Variants in ULK2 observed in about 807,000 individuals in gnomAD.
ULK2 encodes unc-51 like autophagy activating kinase 2, also known as serine/threonine-protein kinase ULK2.
ULK2 carries 76 observed loss-of-function variants against 127.5 expected under a neutral mutation model. The observed-to-expected ratio is 0.60, with a 90% CI of 0.50 to 0.72. ULK2 has a LOEUF of 0.72. Ranked by LOEUF, ULK2 falls within the 30% of genes least tolerant of loss-of-function variation. ULK2 has a pLI of 0.00. For missense variants in ULK2, 1,144 were observed against 1,295.9 expected (o/e 0.88, Z 1.80); for synonymous variants, 452 against 461.9 (o/e 0.98, Z 0.28).
chr17:19,794,192 A>AAAG (rs758839826), intron 20 of ULK2, among the ~76,000 whole-genome samples: 22 of 152,168 alleles, frequency 1.4e-4, no homozygotes, highest in African/African-American at 3.4e-4. Flanking sequence ...AATAAGAATG[A>AAAG]AAGAAGAAGA....
chr17:19,772,611 C>T lies in ULK2; in HGVS notation c.*3738G>A, dbSNP rs892610112. On this transcript the variant is annotated 3_prime_UTR_variant, in exon 27 of 27. Coordinates refer to ENST00000395544, the MANE Select transcript of ULK2 (RefSeq NM_014683.4). The stretch of plus-strand genomic sequence containing the variant: ...TTATTCCAGAAAGAATTTAAGACTG[C>T]TTATAGAAAATACGAGGGAGCATAG... 3 of 152,196 alleles carry T rather than the reference C, an allele frequency of 2.0e-5. No individual in the cohort carries two copies. Among genetic ancestry groups the T allele is most frequent in the Non-Finnish European group, 4.4e-5 (3 of 68,046 alleles). 9.4% of individuals were successfully genotyped at this position (152,196 alleles called of 1,614,324 possible).
Position 19,776,336 on chromosome 17 carries a change from A to G in ULK2, c.*13T>C, listed in dbSNP as rs764082560. ...CACGTTCCCACCACCGGTCCACGGG[A>G]TGAGCCTGCTGCTCACACGGTTGCG... On this transcript the variant is annotated 3_prime_UTR_variant, in exon 27 of 27. Coordinates refer to ENST00000395544, the MANE Select transcript of ULK2 (RefSeq NM_014683.4). The G allele has an allele frequency of 2.1e-5, 33 of 1,599,446 alleles. No individual in the cohort carries two copies. The East Asian group carries it at 7.5e-4, about 36-fold the overall frequency.
At chr17:19,812,327 ATTAAT>A (rs1213471112) in intron 13 of ULK2, among the ~76,000 whole-genome samples, 1 of 152,208 alleles carries the variant, frequency 6.6e-6, no homozygotes, top group Non-Finnish European at 1.5e-5. Flanking sequence ...TGATGAATAC[ATTAAT>A]TTATTTCACC....
At chr17:19,843,922 T>C (rs1238806678) in intron 7 of ULK2, among the ~76,000 whole-genome samples, 1 of 151,978 alleles carries the variant, frequency 6.6e-6, no homozygotes, top group Non-Finnish European at 1.5e-5. Context: ...CCTCCCAAAG[T>C]GCTGGGATTA....
intron 12 of ULK2, among the ~76,000 whole-genome samples, chr17:19,823,240 C>A (rs2041205489): frequency 6.7e-6 from 1 of 150,354 alleles, no homozygotes; most frequent in African/African-American, 2.5e-5. Context: ...GGTTTGTCCA[C>A]CAGAGTTTTT....
chr17:19,834,630 G>C (rs950803603), intron 10 of ULK2, among the ~76,000 whole-genome samples: 1 of 152,078 alleles, frequency 6.6e-6, no homozygotes, highest in African/African-American at 2.4e-5. Context: ...AGTAATCTAA[G>C]GCTGGGCATG....
chr17:19,835,426 T>C (rs1312682230), intron 10 of ULK2, among the ~76,000 whole-genome samples: 1 of 150,370 alleles, frequency 6.7e-6, no homozygotes, highest in Non-Finnish European at 1.5e-5. Context: ...TTAAGATGCA[T>C]ACTGTAGAGG....
intron 13 of ULK2, among the ~76,000 whole-genome samples, chr17:19,812,079 GCC>G (rs1444013449): frequency 1.3e-5 from 2 of 152,172 alleles, no homozygotes; most frequent in African/African-American, 4.8e-5. Context: ...TAGAACCTTA[GCC>G]AGCTGGAAAG....
intron 15 of ULK2, among the ~76,000 whole-genome samples, chr17:19,804,456 A>G (rs974787725): frequency 6.6e-6 from 1 of 151,828 alleles, no homozygotes; most frequent in African/African-American, 2.4e-5. Context: ...ATACACATGT[A>G]TACTTAACAT....
chr17:19,776,169 G>C lies in ULK2; in HGVS notation c.*180C>G. 1 of 550,386 alleles carries C rather than the reference G, an allele frequency of 1.8e-6. No homozygotes were observed. The highest frequency in any genetic ancestry group is 3.2e-5 in the South Asian group (1 of 31,080). 34.1% of individuals were successfully genotyped at this position (550,386 alleles called of 1,614,324 possible). A position where few individuals can be genotyped will look rare whatever the true frequency, so the allele number is the denominator to read the frequency against. On this transcript the variant is annotated 3_prime_UTR_variant, in exon 27 of 27. Transcript: ENST00000395544. ...AAGGGTGATTTTCTCCAATAAGGCA[G>C]ATTTCCTACAAATATGTAGTTTTTG...
chr17:19,827,237 A>T (rs1026156938), intron 10 of ULK2, among the ~76,000 whole-genome samples: 5 of 152,208 alleles, frequency 3.3e-5, no homozygotes, highest in Non-Finnish European at 5.9e-5. Context: ...CACTAAGACA[A>T]TGAACTGGGT....
Position 19,776,358 on chromosome 17 carries a change from T to C in ULK2, c.3102A>G (p.Ala1034=), listed in dbSNP as rs1294935447. 1 of 1,605,716 alleles carries C rather than the reference T, an allele frequency of 6.2e-7. No individual in the cohort carries two copies. The highest frequency in any genetic ancestry group is 1.7e-4 in the Middle Eastern group (1 of 6,052). The change falls in exon 27 of 27, where the codon GCA becomes GCG. Residue 1034 remains alanine (A), a synonymous_variant. Transcript: ENST00000395544. ...GGGATGAGCCTGCTGCTCACACGGTTGCGGTGCTATGGCAGAGCGCCGACA... is the reference window on the plus strand; with the variant it reads ...GGGATGAGCCTGCTGCTCACACGGTCGCGGTGCTATGGCAGAGCGCCGACA... The part of the protein sequence containing the change: ...RRLSALCHST[A]TV
intron 9 of ULK2, among the ~76,000 whole-genome samples, chr17:19,841,015 A>G (rs16960480): frequency 0.03 from 4,548 of 152,266 alleles, 215 homozygotes; most frequent in African/African-American, 0.1. Flanking sequence ...ATTTGTCTTA[A>G]ACTATGTGTG....
Position 19,838,594 on chromosome 17 carries a change from G to A in ULK2, c.705-11C>T, listed in dbSNP as rs769360447. The A allele has an allele frequency of 1.9e-6, 3 of 1,606,656 alleles. No homozygotes were observed. The South Asian group carries it at 3.3e-5, about 18-fold the overall frequency. On this transcript the variant is annotated splice_polypyrimidine_tract_variant and intron_variant, in intron 9 of 26. Coordinates refer to ENST00000395544, the MANE Select transcript of ULK2 (RefSeq NM_014683.4). ...GTTTCTCTGGGAATACTGGGGGAAA[G>A]GAAAAACACAACCACCTAAGTGATA...
intron 10 of ULK2, among the ~76,000 whole-genome samples, chr17:19,831,783 T>TGCC (rs1432662580): frequency 1.3e-5 from 2 of 151,870 alleles, no homozygotes; most frequent in Admixed American, 1.3e-4. Flanking sequence ...GTCAAGACTG[T>TGCC]GCCACTGCAC....
At chr17:19,815,966 G>A (rs577446005) in intron 13 of ULK2, among the ~76,000 whole-genome samples, 4 of 152,312 alleles carry the variant, frequency 2.6e-5, no homozygotes, top group African/African-American at 9.6e-5. Context: ...TGGCACTGCT[G>A]CTGTGGTCCA....
At chr17:19,804,157 A>G (rs1194704279) in intron 15 of ULK2, among the ~76,000 whole-genome samples, 1 of 151,822 alleles carries the variant, frequency 6.6e-6, no homozygotes, top group Non-Finnish European at 1.5e-5. Flanking sequence ...CTGAGACGGG[A>G]GGATCGCTTG....
At chr17:19,818,797 C>CTTTTTTTTT (rs71157835) in intron 12 of ULK2, among the ~76,000 whole-genome samples, 14 of 77,774 alleles carry the variant, frequency 1.8e-4, no homozygotes, top group African/African-American at 3.8e-4. Context: ...TTTCTTTTTT[C>CTTTTTTTTT]TTTTTTTTTT....
rs187584349 is a variant in ULK2, at chr17:19,796,047, A to G, written c.1997+48T>C. The G allele has an allele frequency of 3.7e-5, 58 of 1,562,678 alleles. No individual in the cohort carries two copies. The Middle Eastern group carries it at 5.2e-4, about 14-fold the overall frequency. Reference sequence around the variant, plus strand: ...CTTTTATAACAGAAATCTATGTTTTACTATTACAGTTTTCATGTTTAATGC... The same window carrying G: ...CTTTTATAACAGAAATCTATGTTTTGCTATTACAGTTTTCATGTTTAATGC... On this transcript the variant is annotated intron_variant, in intron 19 of 26. Transcript: ENST00000395544.
Sources: gnomAD v4.1 joint callset for allele counts (sites outside exome capture counted in the v4.1 genomes callset) on GRCh38, gnomAD v4.1.1 for gene constraint, MANE v1.5 for transcripts, NCBI Gene and HGNC (gene_info 2026-07-23, HGNC 2026-07-21) for gene names.